The following MTAP variants were observed in gnomAD, a reference collection of about 807,000 sequenced individuals.
The protein encoded by MTAP is S-methyl-5'-thioadenosine phosphorylase.
In MTAP, 33 loss-of-function variants were observed where a neutral mutation model predicts 33.6. The ratio of observed to expected loss-of-function variants is 0.98; its 90% confidence interval spans 0.74 to 1.31. The LOEUF (loss-of-function observed/expected upper bound fraction) is 1.31. Among genes scored for constraint, MTAP ranks in the 40% most tolerant of loss-of-function variants. The pLI is 0.00. For missense variants in MTAP, 367 were observed against 360.0 expected (o/e 1.02, Z -0.16); for synonymous variants, 148 against 125.7 (o/e 1.18, Z -1.19).
intron 5 of MTAP, among the ~76,000 whole-genome samples, chr9:21,845,819 GC>G (rs1825367163): frequency 6.6e-6 from 1 of 151,736 alleles, no homozygotes; most frequent in South Asian, 2.1e-4. Flanking sequence ...GCAAGACTAA[GC>G]AAAAAGAACA....
chr9:21,815,565 C>A, intron 2 of MTAP, 46 bp downstream of exon 2: 16 of 1,181,806 alleles, frequency 1.4e-5, no homozygotes, highest in Non-Finnish European at 1.9e-5. Context: ...TTTTTCATTT[C>A]TCCTTGCTGG....
rs139785859 is a variant in MTAP at position 21,891,328 on chromosome 9, G to C, written c.147+36458G>C. Among the ~76,000 whole-genome samples, 146 of 152,116 alleles carry C rather than the reference G, an allele frequency of 9.6e-4. 1 individual carries two copies. The highest frequency in any genetic ancestry group is 3.5e-3 in the African/African-American group (144 of 41,498). On this transcript the variant is annotated intron_variant, in intron 1 of 1. Transcript: ENST00000577563. The stretch of plus-strand genomic sequence containing the variant: ...ATGACAAACATTGAATTCAGAATCT[G>C]GATGGCAATGAATATCATTGAGATT...
At chr9:21,847,226 T>A (rs142555669) in intron 5 of MTAP, among the ~76,000 whole-genome samples, 1 of 152,192 alleles carries the variant, frequency 6.6e-6, no homozygotes, top group African/African-American at 2.4e-5. Context: ...GCAGACGGCC[T>A]ATTGTGGGAC....
chr9:21,872,599 A>G (rs559494778), intron 1 of MTAP, among the ~76,000 whole-genome samples: 1 of 152,322 alleles, frequency 6.6e-6, no homozygotes, highest in East Asian at 1.9e-4. Flanking sequence ...TCAATCCTAA[A>G]TAAGATCAAA....
chr9:21,826,269 G>T (rs1824797678), intron 4 of MTAP, among the ~76,000 whole-genome samples: 1 of 149,984 alleles, frequency 6.7e-6, no homozygotes, highest in African/African-American at 2.5e-5. Context: ...ATTGTCTCAT[G>T]AACTTTTTTT....
rs371204075 is a variant in MTAP at position 21,901,564 on chromosome 9, A to T, written c.148-29444A>T. 4.6e-5 allele frequency among the ~76,000 whole-genome samples: 7 copies of T among 152,322 alleles called. No homozygotes were observed. In the East Asian group the frequency reaches 9.6e-4, roughly 21 times the overall value. On this transcript the variant is annotated intron_variant, in intron 1 of 1. Coordinates refer to the MTAP transcript ENST00000577563. ...CATATGATTATTAACTATAAAACCT[A>T]TAAACGAGCTTTTATTAGGAATCAA...
At chr9:21,831,474 A>T (rs567961246) in intron 4 of MTAP, among the ~76,000 whole-genome samples, 1 of 149,598 alleles carries the variant, frequency 6.7e-6, no homozygotes, top group East Asian at 2.0e-4. Context: ...GGATTACAGG[A>T]ATCTGCCACT....
At chr9:21,929,571 C>A (rs1207412379) in intron 1 of MTAP, 1 of 366,192 alleles carries the variant, frequency 2.7e-6, no homozygotes. Context: ...GATCCCCTTA[C>A]TCCACCAAAT....
chr9:21,915,087 T>C (rs1206847605), intron 1 of MTAP, among the ~76,000 whole-genome samples: 3 of 138,026 alleles, frequency 2.2e-5, no homozygotes, highest in Admixed American at 7.2e-5. Context: ...TTTCTTTCCT[T>C]TCTTTCTTTT....
chr9:21,890,341 C>T (rs918181676), intron 1 of MTAP, among the ~76,000 whole-genome samples: 2 of 152,124 alleles, frequency 1.3e-5, no homozygotes, highest in African/African-American at 2.4e-5. Context: ...GAGATCTTGC[C>T]CCAGGCTACA....
Position 21,843,573 on chromosome 9 carries a change from T to A in MTAP, c.450+5563T>A, listed in dbSNP as rs569710865. 1.4e-4 allele frequency among the ~76,000 whole-genome samples: 22 copies of A among 152,274 alleles called. No individual in the cohort carries two copies. In the South Asian group the frequency reaches 4.6e-3, roughly 32 times the overall value. On this transcript the variant is annotated intron_variant, in intron 5 of 7. Coordinates refer to ENST00000644715, the MANE Select transcript of MTAP (RefSeq NM_002451.4). ...CTCTCAGATCAAAGTGGAATAAAAT[T>A]GGAAATTAACTCCAAGAAGAATCCT...
chr9:21,848,027 C>G (rs770104693), intron 5 of MTAP, among the ~76,000 whole-genome samples: 35 of 152,166 alleles, frequency 2.3e-4, no homozygotes, highest in Non-Finnish European at 4.1e-4. Flanking sequence ...CCAGAAGAAA[C>G]AGCTTTCCCA....
intron 1 of MTAP, among the ~76,000 whole-genome samples, chr9:21,804,716 T>C (rs192592954): frequency 1.1e-3 from 169 of 152,300 alleles, no homozygotes; most frequent in African/African-American, 3.9e-3. Flanking sequence ...AATTATAGAA[T>C]GATGGGGCTG....
At chr9:21,930,153 C>T (rs900988800) in intron 1 of MTAP, 2 of 384,722 alleles carry the variant, frequency 5.2e-6, no homozygotes, top group East Asian at 1.3e-4. Flanking sequence ...ATGGAGTAAA[C>T]TCAAAATTCT....
chr9:21,914,644 G>T, intron 1 of MTAP, among the ~76,000 whole-genome samples: 1 of 135,678 alleles, frequency 7.4e-6, no homozygotes, highest in South Asian at 2.9e-4. Context: ...GGTGGGGGTG[G>T]GGGGAGGGTT....
intron 1 of MTAP, among the ~76,000 whole-genome samples, chr9:21,921,705 T>C (rs1381165149): frequency 6.6e-6 from 1 of 152,180 alleles, no homozygotes; most frequent in East Asian, 1.9e-4. Context: ...AAGCAGTGGC[T>C]CACACCTGTA....
intron 1 of MTAP, among the ~76,000 whole-genome samples, chr9:21,881,612 A>C (rs532755264): frequency 1.8e-4 from 28 of 152,160 alleles, no homozygotes; most frequent in Middle Eastern, 6.8e-3. Flanking sequence ...ATAGCAAATA[A>C]CCAATAAACA....
intron 6 of MTAP, chr9:21,855,992 C>G (rs1256719168): frequency 5.6e-6 from 1 of 177,442 alleles, no homozygotes; most frequent in Non-Finnish European, 1.1e-5. Flanking sequence ...TAATTTTTAA[C>G]AATTTGATCA....
At chr9:21,807,647 G>C (rs1194083190) in intron 1 of MTAP, among the ~76,000 whole-genome samples, 1 of 152,162 alleles carries the variant, frequency 6.6e-6, no homozygotes, top group Non-Finnish European at 1.5e-5. Flanking sequence ...ATTTAGTTGA[G>C]GACCCCAAGG....
Sources: gnomAD v4.1 joint callset for allele counts (sites outside exome capture counted in the v4.1 genomes callset) on GRCh38, gnomAD v4.1.1 for gene constraint, MANE v1.5 for transcripts, NCBI Gene and HGNC (gene_info 2026-07-23, HGNC 2026-07-21) for gene names.